Variants in NCAM1 observed in about 807,000 individuals in gnomAD.
NCAM1 encodes antigen recognized by monoclonal antibody 5.1H11.
In NCAM1, 14 loss-of-function variants were observed where a neutral mutation model predicts 109.8. The ratio of observed to expected loss-of-function variants is 0.13; its 90% CI spans 0.08 to 0.20. The LOEUF is 0.20. Among genes scored for constraint, NCAM1 ranks in the 10% least tolerant of loss-of-function variants. The pLI, the probability that NCAM1 is intolerant of heterozygous loss-of-function variation, is 1.00. For missense variants in NCAM1, 774 were observed against 1,109.9 expected, an observed-to-expected ratio of 0.70 and a Z score of 4.30; for synonymous variants, 418 against 442.9, an observed-to-expected ratio of 0.94 and a Z score of 0.70.
intron 1 of NCAM1, among the ~76,000 whole-genome samples, chr11:112,989,623 C>G (rs1951405059): frequency 6.6e-6 from 1 of 152,066 alleles, no homozygotes; most frequent in South Asian, 2.1e-4. Context: ...ATCTCCATTT[C>G]TTAGGAGTTG....
chr11:113,271,652 G>A (rs1388940761), intron 18 of NCAM1, 108 bp from the exon 19 acceptor site: 4 of 701,286 alleles, frequency 5.7e-6, no homozygotes, highest in Non-Finnish European at 9.5e-6. Flanking sequence ...GAATCTGTTG[G>A]CTCTGGATGC....
intron 1 of NCAM1, among the ~76,000 whole-genome samples, chr11:113,189,417 T>G (rs1943608519): frequency 6.9e-6 from 1 of 144,324 alleles, no homozygotes; most frequent in Non-Finnish European, 1.5e-5. Context: ...GCCACTGCAG[T>G]CTGGCCTGGG....
At chr11:113,119,532 T>G (rs1046518372) in intron 1 of NCAM1, among the ~76,000 whole-genome samples, 9 of 152,168 alleles carry the variant, frequency 5.9e-5, no homozygotes, top group Non-Finnish European at 1.5e-5. Flanking sequence ...GGGACTGACC[T>G]AGGGGCCATC....
chr11:113,019,631 A>G (rs1555075882), intron 1 of NCAM1, among the ~76,000 whole-genome samples: 1 of 152,214 alleles, frequency 6.6e-6, no homozygotes, highest in Non-Finnish European at 1.5e-5. Flanking sequence ...GGTGTCAGAT[A>G]CCACTAATAA....
intron 1 of NCAM1, among the ~76,000 whole-genome samples, chr11:113,147,714 G>A (rs978907823): frequency 4.6e-5 from 7 of 152,264 alleles, no homozygotes; most frequent in African/African-American, 1.7e-4. Context: ...TCATTTATGG[G>A]GCATCACCTC....
At chr11:113,021,482 A>G (rs1368393874) in intron 1 of NCAM1, among the ~76,000 whole-genome samples, 1 of 152,234 alleles carries the variant, frequency 6.6e-6, no homozygotes, top group African/African-American at 2.4e-5. Flanking sequence ...GTATAGGAAA[A>G]TGGTCTTAAG....
chr11:113,260,513 GAAGGCTT>G (rs1945961024), intron 17 of NCAM1, 190 bp downstream of exon 17: 5 of 594,114 alleles, frequency 8.4e-6, no homozygotes, highest in Non-Finnish European at 1.4e-5. Flanking sequence ...GGACCCCCAG[GAAGGCTT>G]GGCCAAGCAT....
chr11:113,129,752 C>T (rs1219712390), intron 1 of NCAM1, among the ~76,000 whole-genome samples: 1 of 152,280 alleles, frequency 6.6e-6, no homozygotes, highest in South Asian at 2.1e-4. Flanking sequence ...TATGAGACTG[C>T]GCAGCATTGT....
intron 1 of NCAM1, among the ~76,000 whole-genome samples, chr11:113,185,794 A>AC (rs1192572315): frequency 6.6e-6 from 1 of 151,944 alleles, no homozygotes; most frequent in Non-Finnish European, 1.5e-5. Flanking sequence ...TAAGCCAGTG[A>AC]CCCCCCTCAC....
intron 7 of NCAM1, among the ~76,000 whole-genome samples, chr11:113,210,808 AC>A (rs1555113572): frequency 2.6e-5 from 4 of 151,340 alleles, no homozygotes; most frequent in African/African-American, 9.7e-5. Context: ...ACACACACAC[AC>A]ACACACACAC....
intron 5 of NCAM1, 101 bp from the exon 6 acceptor site, chr11:113,207,160 C>A: frequency 1.2e-6 from 1 of 859,968 alleles, no homozygotes; most frequent in Non-Finnish European, 1.9e-6. Context: ...ACGTTTGTCC[C>A]ACAGGCTGAG....
At chr11:113,181,214 G>A (rs563694954) in intron 1 of NCAM1, among the ~76,000 whole-genome samples, 1 of 152,244 alleles carries the variant, frequency 6.6e-6, no homozygotes, top group South Asian at 2.1e-4. Context: ...TGGTGTGGGA[G>A]AGCCCTGGGC....
At chr11:113,043,020 T>C (rs1423114623) in intron 1 of NCAM1, among the ~76,000 whole-genome samples, 1 of 152,220 alleles carries the variant, frequency 6.6e-6, no homozygotes. Context: ...TTTAAAACTT[T>C]CTGTGATCTA....
chr11:113,043,593 C>T (rs781847110), intron 1 of NCAM1, among the ~76,000 whole-genome samples: 1 of 152,206 alleles, frequency 6.6e-6, no homozygotes, highest in Non-Finnish European at 1.5e-5. Flanking sequence ...GTCTCGGCCT[C>T]TCAAACTGCT....
At chr11:112,967,417 T>G (rs1950756837) in intron 1 of NCAM1, among the ~76,000 whole-genome samples, 4 of 152,120 alleles carry the variant, frequency 2.6e-5, no homozygotes, top group Admixed American at 2.6e-4. Flanking sequence ...ACCTTGGGAG[T>G]AGTAGAGACT....
At chr11:113,150,924 G>C (rs1436523885) in intron 1 of NCAM1, among the ~76,000 whole-genome samples, 1 of 152,212 alleles carries the variant, frequency 6.6e-6, no homozygotes, top group Non-Finnish European at 1.5e-5. Flanking sequence ...GGAATTATGG[G>C]AGAGGAAGCC....
intron 1 of NCAM1, among the ~76,000 whole-genome samples, chr11:113,081,807 T>A (rs1371296479): frequency 6.6e-6 from 1 of 152,192 alleles, no homozygotes; most frequent in East Asian, 1.9e-4. Flanking sequence ...GTGTTGGGAC[T>A]ACAGGCGTGA....
At chr11:113,028,228 A>G (rs1358483865) in intron 1 of NCAM1, among the ~76,000 whole-genome samples, 1 of 152,244 alleles carries the variant, frequency 6.6e-6, no homozygotes, top group Non-Finnish European at 1.5e-5. Context: ...GGTGATGAAC[A>G]TGCTAATCAC....
chr11:113,147,845 A>G (rs139033506), intron 1 of NCAM1, among the ~76,000 whole-genome samples: 2 of 152,236 alleles, frequency 1.3e-5, no homozygotes, highest in Admixed American at 6.5e-5. Context: ...TATCATCCAC[A>G]TTACGCCATG....
Sources: gnomAD v4.1 joint callset for allele counts (sites outside exome capture counted in the v4.1 genomes callset) on GRCh38, gnomAD v4.1.1 for gene constraint, MANE v1.5 for transcripts, NCBI Gene and HGNC (gene_info 2026-07-23, HGNC 2026-07-21) for gene names.